The following RAPGEF5 variants were observed in gnomAD, a reference collection of about 807,000 sequenced individuals.
The protein encoded by RAPGEF5 is M-Ras-regulated GEF.
A neutral mutation model predicts 125.2 loss-of-function variants in RAPGEF5; 65 were observed. The observed-to-expected ratio is 0.52, with a 90% CI of 0.43 to 0.64. The LOEUF is 0.64. RAPGEF5 is among the 30% of genes least tolerant of loss of function. The pLI, the probability that RAPGEF5 is intolerant of heterozygous loss-of-function variation, is 0.00. For missense variants in RAPGEF5, 958 were observed against 1,048.1 expected, an observed-to-expected ratio of 0.91 and a Z score of 1.19; for synonymous variants, 391 against 385.9, an observed-to-expected ratio of 1.01 and a Z score of -0.16.
intron 24 of RAPGEF5, among the ~76,000 whole-genome samples, chr7:22,129,968 A>C (rs1782864819): frequency 6.6e-6 from 1 of 152,170 alleles, no homozygotes; most frequent in Non-Finnish European, 1.5e-5. Flanking sequence ...GTCAGGTGCC[A>C]AGCCTCAGCA....
chr7:22,334,208 TGTCTACCACAAGA>T (rs1562533882), intron 1 of RAPGEF5, among the ~76,000 whole-genome samples: 1 of 152,240 alleles, frequency 6.6e-6, no homozygotes, highest in Non-Finnish European at 1.5e-5. Flanking sequence ...CAGATGGGTT[TGTCTACCACAAGA>T]GTTTCCATCT....
At chr7:22,166,944 A>C in intron 12 of RAPGEF5, 126 bp downstream of exon 12, 1 of 745,326 alleles carries the variant, frequency 1.3e-6, no homozygotes, top group Non-Finnish European at 2.3e-6. Context: ...ATATCATTAC[A>C]TTAATATTTA....
At chr7:22,286,956 C>T (rs1386289491) in intron 6 of RAPGEF5, among the ~76,000 whole-genome samples, 2 of 152,130 alleles carry the variant, frequency 1.3e-5, no homozygotes, top group African/African-American at 2.4e-5. Flanking sequence ...GACTTGCAGT[C>T]GATGAAAAGA....
intron 1 of RAPGEF5, among the ~76,000 whole-genome samples, chr7:22,335,437 G>C (rs1423129536): frequency 6.6e-6 from 1 of 152,112 alleles, no homozygotes; most frequent in Non-Finnish European, 1.5e-5. Flanking sequence ...TCCCACAAGA[G>C]CTATCTTCTA....
At chr7:22,324,120 T>C (rs1321861865) in intron 1 of RAPGEF5, among the ~76,000 whole-genome samples, 1 of 152,180 alleles carries the variant, frequency 6.6e-6, no homozygotes, top group Non-Finnish European at 1.5e-5. Flanking sequence ...AAACAAATGA[T>C]AAAAATTATC....
intron 6 of RAPGEF5, among the ~76,000 whole-genome samples, chr7:22,267,801 T>G (rs1413234064): frequency 1.3e-5 from 2 of 151,886 alleles, no homozygotes; most frequent in Non-Finnish European, 2.9e-5. Context: ...CTCTCTCCCC[T>G]TCAGGACACA....
intron 1 of RAPGEF5, among the ~76,000 whole-genome samples, chr7:22,333,306 C>T (rs1418440265): frequency 1.3e-5 from 2 of 152,044 alleles, no homozygotes; most frequent in East Asian, 3.9e-4. Flanking sequence ...GAGAGGGCAA[C>T]ACTAACCAAC....
intron 10 of RAPGEF5, chr7:22,193,665 G>A: frequency 6.4e-7 from 1 of 1,550,744 alleles, no homozygotes; most frequent in Non-Finnish European, 8.7e-7. Context: ...TGCCCATTGT[G>A]AACGGTTACT....
intron 7 of RAPGEF5, among the ~76,000 whole-genome samples, chr7:22,255,928 C>T (rs987456148): frequency 9.2e-5 from 14 of 152,222 alleles, no homozygotes; most frequent in Admixed American, 8.5e-4. Context: ...TGTTGGAAAA[C>T]CTGAGTCTGC....
intron 7 of RAPGEF5, among the ~76,000 whole-genome samples, chr7:22,252,755 G>A (rs1023197843): frequency 6.6e-6 from 1 of 151,958 alleles, no homozygotes; most frequent in Non-Finnish European, 1.5e-5. Flanking sequence ...TTTTTTAAAG[G>A]CAATTTTCTT....
rs75393436 is a variant in RAPGEF5, at chr7:22,291,241, C to T, written c.681G>A (p.Leu227=). ...CGGAGTCTTCAATTTTCTGATGAGA[C>T]CTAAAAAAAAAAAAAAGAACAAATT... is the stretch of plus-strand genomic sequence containing the variant. ...LIPARGGICE[L]SHQKIEDSEE... The change falls in exon 6 of 26, where the codon CTG becomes CTA. Residue 227 remains leucine (L), a splice_region_variant and synonymous_variant. Coordinates refer to ENST00000665637, the MANE Select transcript of RAPGEF5 (RefSeq NM_012294.5). 1 of 1,509,812 alleles carries T rather than the reference C, an allele frequency of 6.6e-7. No individual in the cohort carries two copies. The highest frequency in any genetic ancestry group is 1.3e-5 in the South Asian group (1 of 76,822). 93.5% of individuals were successfully genotyped at this position (1,509,812 alleles called of 1,614,324 possible).
intron 3 of RAPGEF5, among the ~76,000 whole-genome samples, chr7:22,314,389 T>A (rs1783543730): frequency 6.6e-6 from 1 of 152,096 alleles, no homozygotes; most frequent in South Asian, 2.1e-4. Context: ...AAATTATGCC[T>A]CAGTACAAAG....
At chr7:22,171,913 G>A (rs540259812) in intron 11 of RAPGEF5, among the ~76,000 whole-genome samples, 21 of 152,182 alleles carry the variant, frequency 1.4e-4, no homozygotes, top group Admixed American at 4.6e-4. Context: ...TAATACTTTC[G>A]TAGTGGCTTT....
intron 1 of RAPGEF5, among the ~76,000 whole-genome samples, chr7:22,337,614 C>T (rs570865903): frequency 6.6e-6 from 1 of 152,356 alleles, no homozygotes; most frequent in African/African-American, 2.4e-5. Context: ...CCAAAGTTAG[C>T]TTGGCCCACG....
chr7:22,238,737 T>C (rs1161992803), intron 7 of RAPGEF5, among the ~76,000 whole-genome samples: 1 of 152,234 alleles, frequency 6.6e-6, no homozygotes, highest in Non-Finnish European at 1.5e-5. Context: ...ATATCCATTA[T>C]ACCAGTGATG....
At chr7:22,165,885 G>A (rs953515254) in intron 12 of RAPGEF5, among the ~76,000 whole-genome samples, 7 of 151,406 alleles carry the variant, frequency 4.6e-5, no homozygotes, top group Non-Finnish European at 1.0e-4. Flanking sequence ...GCACGGTCTC[G>A]GCTCACTGCA....
intron 5 of RAPGEF5, among the ~76,000 whole-genome samples, chr7:22,303,329 T>C (rs1783256306): frequency 6.6e-6 from 1 of 152,244 alleles, no homozygotes; most frequent in Non-Finnish European, 1.5e-5. Flanking sequence ...TCAGTCACTT[T>C]TTTTTTCTAA....
At chr7:22,167,847 G>C (rs922279712) in intron 11 of RAPGEF5, among the ~76,000 whole-genome samples, 1 of 152,050 alleles carries the variant, frequency 6.6e-6, no homozygotes, top group African/African-American at 2.4e-5. Flanking sequence ...AAGTGTTCTT[G>C]GAAGAGTTCA....
intron 9 of RAPGEF5, among the ~76,000 whole-genome samples, chr7:22,208,697 T>C (rs915557649): frequency 6.6e-6 from 1 of 152,180 alleles, no homozygotes; most frequent in African/African-American, 2.4e-5. Context: ...CAGCCTACTA[T>C]CATCAATCAC....
Sources: allele counts gnomAD v4.1 joint callset (sites outside exome capture counted in the v4.1 genomes callset), GRCh38; gene constraint gnomAD v4.1.1; transcripts MANE v1.5; gene names NCBI Gene and HGNC (gene_info 2026-07-23, HGNC 2026-07-21).